Variants in USH2A observed in about 807,000 individuals in gnomAD.
The protein encoded by USH2A is Usher syndrome 2A (autosomal recessive, mild).
A neutral mutation model predicts 538.9 loss-of-function variants in USH2A; 443 were observed. The observed-to-expected ratio is 0.82, with a 90% CI of 0.76 to 0.89. The LOEUF (loss-of-function observed/expected upper bound fraction) is 0.89, where lower values mean the gene tolerates loss of function less well. Ranked by LOEUF, USH2A falls within the 40% of genes least tolerant of loss-of-function variation. The probability of loss-of-function intolerance (pLI) is 0.00; values close to 1 mark genes in which losing one functional copy is unlikely to be tolerated. For missense variants in USH2A, 6,633 were observed against 6,324.8 expected (o/e 1.05, Z -1.65); for synonymous variants, 2,413 against 2,273.5 (o/e 1.06, Z -1.75).
rs1044070393 is a variant in USH2A, at chr1:216,393,399, G to A, written c.651+25115C>T. On this transcript the variant is annotated intron_variant, in intron 3 of 71. Coordinates refer to ENST00000307340, the MANE Select transcript of USH2A (RefSeq NM_206933.4). Reference sequence around the variant, plus strand: ...ACGTAAAGCAAACATAATTAAATAAGGTACATAAGTAATTTGCATTCTAGG... The same window carrying A: ...ACGTAAAGCAAACATAATTAAATAAAGTACATAAGTAATTTGCATTCTAGG... 2.6e-5 allele frequency among the ~76,000 whole-genome samples: 4 copies of A among 152,210 alleles called. No homozygotes were observed. In the East Asian group the frequency reaches 7.7e-4, roughly 29 times the overall value.
intron 43 of USH2A, among the ~76,000 whole-genome samples, chr1:215,868,872 G>T (rs1039715134): frequency 1.3e-5 from 2 of 152,212 alleles, no homozygotes; most frequent in Non-Finnish European, 2.9e-5. Flanking sequence ...CTTCTACAGA[G>T]CTTTGGAAGG....
rs1273973029 is a variant in USH2A at position 216,232,120 on chromosome 1, T to C, written c.2826A>G (p.Pro942=). ...NQCQPGFYIS[P]GNATGCLPCS... Reference sequence around the variant, plus strand: ...ATGGCAGGCAGCCAGTGGCATTGCCTGGAGAAATATAAAAACCTAGAAATA... The same window carrying C: ...ATGGCAGGCAGCCAGTGGCATTGCCCGGAGAAATATAAAAACCTAGAAATA... The change falls in exon 14 of 72, where the codon CCA becomes CCG. Residue 942 remains proline, a synonymous_variant. Coordinates refer to ENST00000307340, the MANE Select transcript of USH2A (RefSeq NM_206933.4). 1 of 1,613,318 alleles carries C rather than the reference T, an allele frequency of 6.2e-7. No homozygotes were observed. Among genetic ancestry groups the C allele is most frequent in the Non-Finnish European group, 8.5e-7 (1 of 1,179,666 alleles).
intron 22 of USH2A, among the ~76,000 whole-genome samples, chr1:216,090,444 A>T (rs544267420): frequency 2.0e-3 from 297 of 152,128 alleles, no homozygotes; most frequent in Non-Finnish European, 3.6e-3. Flanking sequence ...AAAAAAAAAA[A>T]AAAAAAGCTT....
chr1:215,885,934 T>C (rs973453851), intron 41 of USH2A, among the ~76,000 whole-genome samples: 1 of 152,184 alleles, frequency 6.6e-6, no homozygotes, highest in Non-Finnish European at 1.5e-5. Context: ...CCCAAGTCCT[T>C]ATTACTTCCA....
chr1:216,361,905 A>C (rs564428088), intron 4 of USH2A, among the ~76,000 whole-genome samples: 62 of 152,316 alleles, frequency 4.1e-4, no homozygotes, highest in African/African-American at 1.5e-3. Flanking sequence ...TTTTATTTGT[A>C]TGATAGTTTG....
rs1325668081 is a variant in USH2A at position 215,741,377 on chromosome 1, G to A, written c.11709C>T (p.Tyr3903=). The part of the protein sequence containing the change: ...PNGIIINYFI[Y]RRPAGIEEES... ...ATAATAGTAACAGCCAATCTTACCT[G>A]TAAATAAAGTAGTTGATGATGATTC... The change falls in exon 60 of 72, where the codon TAC becomes TAT. Residue 3903 remains tyrosine, a splice_region_variant and synonymous_variant. Transcript: ENST00000307340. The A allele has an allele frequency of 1.9e-6, 3 of 1,613,838 alleles. No homozygotes were observed. The African/African-American group carries it at 4.0e-5, about 22-fold the overall frequency.
At chr1:216,131,256 G>T (rs1330539519) in intron 21 of USH2A, among the ~76,000 whole-genome samples, 2 of 151,782 alleles carry the variant, frequency 1.3e-5, no homozygotes, top group Non-Finnish European at 1.5e-5. Flanking sequence ...CCACTCTGTG[G>T]GTTTTCTGTT....
intron 30 of USH2A, among the ~76,000 whole-genome samples, chr1:216,058,507 T>G (rs1427348051): frequency 6.7e-6 from 1 of 149,116 alleles, no homozygotes; most frequent in African/African-American, 2.5e-5. Flanking sequence ...TGCAGCAGTA[T>G]TGGCTTCCAT....
intron 32 of USH2A, among the ~76,000 whole-genome samples, chr1:216,031,764 C>T (rs1458732983): frequency 6.6e-6 from 1 of 152,174 alleles, no homozygotes; most frequent in East Asian, 1.9e-4. Context: ...TCAATCCCAC[C>T]TTGCTTCTCA....
intron 3 of USH2A, among the ~76,000 whole-genome samples, chr1:216,414,964 A>AT (rs2039551796): frequency 6.6e-6 from 1 of 152,102 alleles, no homozygotes; most frequent in Admixed American, 6.6e-5. Context: ...ATACTAAAAT[A>AT]TTTTTTCTGG....
intron 40 of USH2A, 83 bp from the exon 41 acceptor site, chr1:215,889,137 G>A: frequency 1.3e-6 from 2 of 1,511,178 alleles, no homozygotes; most frequent in Non-Finnish European, 1.8e-6. Flanking sequence ...TGATAGCTCT[G>A]CTACAAGGAT....
chr1:216,205,127 TTTTAAG>T (rs1419476038), intron 16 of USH2A, among the ~76,000 whole-genome samples: 2 of 152,160 alleles, frequency 1.3e-5, no homozygotes, highest in African/African-American at 4.8e-5. Context: ...TCATTGATAG[TTTTAAG>T]TTTAATTTTG....
intron 55 of USH2A, among the ~76,000 whole-genome samples, chr1:215,775,866 T>C (rs1661447098): frequency 6.6e-6 from 1 of 152,248 alleles, no homozygotes; most frequent in African/African-American, 2.4e-5. Flanking sequence ...TAAATTATTC[T>C]TTCCTTGCTA....
At chr1:215,978,698 A>G (rs1293233180) in intron 35 of USH2A, among the ~76,000 whole-genome samples, 1 of 152,220 alleles carries the variant, frequency 6.6e-6, no homozygotes, top group Non-Finnish European at 1.5e-5. Flanking sequence ...CAGTAGGTAC[A>G]GGACCCTCTA....
rs1475026738 is a variant in USH2A at position 216,198,527 on chromosome 1, G to A, written c.3869C>T (p.Thr1290Ile). The change falls in exon 18 of 72, where the codon ACA (threonine) becomes ATA (isoleucine). Residue 1290 changes from threonine (T) to isoleucine (I), a missense_variant. Transcript: ENST00000307340. ...MRRLRSTKET[T>I]SEESRVFQSS... ...CTGAAAAACTCGACTTTCCTCAGAT[G>A]TGGTTTCTTTAGTAGATCTCAGTCT... 2 of 1,613,848 alleles carry A rather than the reference G, an allele frequency of 1.2e-6. No individual in the cohort carries two copies. The highest frequency in any genetic ancestry group is 1.1e-5 in the South Asian group (1 of 91,032).
At chr1:216,118,757 C>G (rs1206254006) in intron 21 of USH2A, among the ~76,000 whole-genome samples, 1 of 152,228 alleles carries the variant, frequency 6.6e-6, no homozygotes, top group African/African-American at 2.4e-5. Flanking sequence ...GGGTAACCCC[C>G]TTGCTATGAT....
chr1:215,956,356 T>C (rs565754778), intron 37 of USH2A, among the ~76,000 whole-genome samples: 2 of 152,308 alleles, frequency 1.3e-5, no homozygotes, highest in African/African-American at 2.4e-5. Context: ...TGGTGTGGGT[T>C]TGAAAATGGT....
At position 216,070,198 on chromosome 1, in the gene USH2A, A is replaced by G. The variant is rs759852069; in HGVS notation, c.5952T>C (p.Ile1984=). The change falls in exon 30 of 72, where the codon ATT becomes ATC. Residue 1984 remains isoleucine (I), a synonymous_variant. Coordinates refer to ENST00000307340, the MANE Select transcript of USH2A (RefSeq NM_206933.4). Reference sequence around the variant, plus strand: ...TATAGGCTTTCAGAATGTACTTCTCAATTACACCTCTGACAACAGGTTCAT... The same window carrying G: ...TATAGGCTTTCAGAATGTACTTCTCGATTACACCTCTGACAACAGGTTCAT... ...TWDEPVVRGV[I]EKYILKAYSE... The G allele has an allele frequency of 6.2e-7, 1 of 1,613,994 alleles. No homozygotes were observed. Among genetic ancestry groups the G allele is most frequent in the Non-Finnish European group, 8.5e-7 (1 of 1,179,938 alleles).
intron 20 of USH2A, among the ~76,000 whole-genome samples, chr1:216,178,519 G>A (rs1455618366): frequency 6.6e-6 from 1 of 152,108 alleles, no homozygotes; most frequent in East Asian, 1.9e-4. Context: ...AACTAGGAAA[G>A]GAAAGCTGCC....
Sources: allele counts gnomAD v4.1 joint callset (sites outside exome capture counted in the v4.1 genomes callset), GRCh38; gene constraint gnomAD v4.1.1; transcripts MANE v1.5; gene names NCBI Gene and HGNC (gene_info 2026-07-23, HGNC 2026-07-21).